TMEM108: variants seen among roughly 807,000 people sequenced by gnomAD.
TMEM108 encodes cancer/testis antigen 124.
A neutral mutation model predicts 35.1 loss-of-function variants in TMEM108; 12 were observed. That is an observed-to-expected ratio of 0.34 (90% confidence interval 0.22 to 0.55). TMEM108 has a LOEUF of 0.55. TMEM108 is among the 20% of genes least tolerant of loss of function. The probability of loss-of-function intolerance (pLI) is 0.89; values close to 1 mark genes in which losing one functional copy is unlikely to be tolerated. For synonymous variants in TMEM108, 287 were observed against 308.6 expected (o/e 0.93, Z 0.73); for missense variants, 680 against 753.3 (o/e 0.90, Z 1.14).
intron 3 of TMEM108, among the ~76,000 whole-genome samples, chr3:133,333,966 A>G (rs746880322): frequency 6.6e-6 from 1 of 152,190 alleles, no homozygotes; most frequent in Non-Finnish European, 1.5e-5. Flanking sequence ...TCTCTGGGCT[A>G]TGTGGAAGTT....
intron 5 of TMEM108, among the ~76,000 whole-genome samples, chr3:133,392,288 A>C (rs980250722): frequency 1.3e-5 from 2 of 150,920 alleles, no homozygotes; most frequent in Non-Finnish European, 3.0e-5. Context: ...TCAGCCTCCC[A>C]AGTAGCTGGG....
At chr3:133,087,694 C>G (rs1359101193) in intron 2 of TMEM108, among the ~76,000 whole-genome samples, 4 of 152,172 alleles carry the variant, frequency 2.6e-5, no homozygotes, top group Non-Finnish European at 5.9e-5. Flanking sequence ...TTAGCTTGCT[C>G]TGGACCTTGT....
intron 2 of TMEM108, among the ~76,000 whole-genome samples, chr3:133,080,767 C>T (rs1271612985): frequency 6.6e-6 from 1 of 152,094 alleles, no homozygotes; most frequent in Non-Finnish European, 1.5e-5. Flanking sequence ...GTTCAATGTA[C>T]CCAGTGTGAA....
intron 3 of TMEM108, among the ~76,000 whole-genome samples, chr3:133,242,153 C>A (rs918802466): frequency 6.6e-6 from 1 of 152,124 alleles, no homozygotes; most frequent in Admixed American, 6.5e-5. Context: ...ATAAGCTCAT[C>A]CCAAGATGCT....
intron 2 of TMEM108, among the ~76,000 whole-genome samples, chr3:133,083,191 C>A (rs551389735): frequency 1.1e-3 from 152 of 142,332 alleles, no homozygotes; most frequent in African/African-American, 3.5e-3. Context: ...CCCCCCGCCG[C>A]CCCACTCCTC....
chr3:133,196,510 CA>C (rs1307389083), intron 2 of TMEM108, among the ~76,000 whole-genome samples: 1 of 152,182 alleles, frequency 6.6e-6, no homozygotes, highest in Non-Finnish European at 1.5e-5. Flanking sequence ...GCAGCTATAT[CA>C]TAAATTTACA....
chr3:133,145,327 C>T (rs1023836457), intron 2 of TMEM108, among the ~76,000 whole-genome samples: 1 of 152,104 alleles, frequency 6.6e-6, no homozygotes, highest in South Asian at 2.1e-4. Flanking sequence ...GTCTGTATAT[C>T]TGTTTTGGGC....
At chr3:133,175,878 A>C (rs989310372) in intron 2 of TMEM108, among the ~76,000 whole-genome samples, 37 of 152,242 alleles carry the variant, frequency 2.4e-4, no homozygotes, top group African/African-American at 8.7e-4. Context: ...CAGACTGGCA[A>C]ATTGGATAAA....
At chr3:133,058,867 G>A (rs367561644) in intron 2 of TMEM108, among the ~76,000 whole-genome samples, 1 of 152,232 alleles carries the variant, frequency 6.6e-6, no homozygotes, top group African/African-American at 2.4e-5. Context: ...CATAGCAGGA[G>A]CTGAGATATG....
intron 3 of TMEM108, among the ~76,000 whole-genome samples, chr3:133,311,394 GA>G (rs1318488422): frequency 6.6e-6 from 1 of 152,132 alleles, no homozygotes; most frequent in Non-Finnish European, 1.5e-5. Context: ...ATATTTCTTG[GA>G]GGCTTTGTCC....
intron 2 of TMEM108, among the ~76,000 whole-genome samples, chr3:133,070,034 A>C (rs1559822783): frequency 6.6e-6 from 1 of 152,128 alleles, no homozygotes; most frequent in Non-Finnish European, 1.5e-5. Flanking sequence ...AGTACCATAC[A>C]TCATACCTCA....
At chr3:133,381,329 C>T (rs2073007263) in intron 4 of TMEM108, among the ~76,000 whole-genome samples, 168 bp downstream of exon 4, 1 of 152,250 alleles carries the variant, frequency 6.6e-6, no homozygotes, top group African/African-American at 2.4e-5. Context: ...TAGTCCTCAG[C>T]TCTGCCTGGC....
At chr3:133,131,139 T>C (rs989175307) in intron 2 of TMEM108, among the ~76,000 whole-genome samples, 7 of 152,144 alleles carry the variant, frequency 4.6e-5, no homozygotes, top group African/African-American at 1.7e-4. Flanking sequence ...ATAGAAACTT[T>C]TCCGTTTAAA....
intron 3 of TMEM108, among the ~76,000 whole-genome samples, chr3:133,327,310 C>A (rs564606444): frequency 6.6e-6 from 1 of 152,166 alleles, no homozygotes; most frequent in African/African-American, 2.4e-5. Flanking sequence ...ATTAAAGTTT[C>A]TTTGTGGTTA....
chr3:133,108,321 TGA>T (rs750414185), intron 2 of TMEM108, among the ~76,000 whole-genome samples: 13 of 152,184 alleles, frequency 8.5e-5, no homozygotes, highest in Non-Finnish European at 1.9e-4. Context: ...CTAACTGGTG[TGA>T]GATGGTATCT....
intron 3 of TMEM108, among the ~76,000 whole-genome samples, chr3:133,277,460 A>G (rs896662703): frequency 3.3e-5 from 5 of 152,238 alleles, no homozygotes; most frequent in African/African-American, 1.2e-4. Flanking sequence ...TAAAAGAATA[A>G]CAGCATGACA....
intron 2 of TMEM108, among the ~76,000 whole-genome samples, chr3:133,181,639 T>C (rs1472748830): frequency 6.6e-6 from 1 of 152,042 alleles, no homozygotes; most frequent in African/African-American, 2.4e-5. Flanking sequence ...ATGGAACATA[T>C]GGGGGGTTGT....
intron 2 of TMEM108, among the ~76,000 whole-genome samples, chr3:133,123,235 T>A (rs1459994137): frequency 1.3e-5 from 2 of 152,248 alleles, no homozygotes; most frequent in Non-Finnish European, 2.9e-5. Context: ...TTAGCTTACC[T>A]TCTGTTTATC....
chr3:133,206,999 C>T (rs1945765801), intron 2 of TMEM108, among the ~76,000 whole-genome samples: 2 of 152,122 alleles, frequency 1.3e-5, no homozygotes, highest in Non-Finnish European at 2.9e-5. Context: ...ACATGCCCTG[C>T]CTAGAGAGGA....
Sources: allele counts gnomAD v4.1 joint callset (sites outside exome capture counted in the v4.1 genomes callset), GRCh38; gene constraint gnomAD v4.1.1; transcripts MANE v1.5; gene names NCBI Gene and HGNC (gene_info 2026-07-23, HGNC 2026-07-21).